Variants in KIF26B observed in about 807,000 individuals in gnomAD.
KIF26B encodes kinesin family member 26B.
KIF26B carries 63 observed loss-of-function variants against 151.2 expected under a neutral mutation model. The ratio of observed to expected loss-of-function variants is 0.42; its 90% confidence interval spans 0.34 to 0.51. The LOEUF (loss-of-function observed/expected upper bound fraction) is 0.51, where lower values mean the gene tolerates loss of function less well. KIF26B is among the 20% of genes least tolerant of loss of function. The pLI, the probability that KIF26B is intolerant of heterozygous loss-of-function variation, is 0.07. For synonymous variants in KIF26B, 1,357 were observed against 1,262.1 expected (o/e 1.08, Z -1.59); for missense variants, 2,813 against 2,913.6 (o/e 0.97, Z 0.79).
At chr1:245,663,222 C>T (rs56236459) in intron 10 of KIF26B, among the ~76,000 whole-genome samples, 102,513 of 151,118 alleles carry the variant, frequency 0.68, 34,908 homozygotes, top group East Asian at 0.82. Flanking sequence ...CTCATCTTTT[C>T]CCCTTCTCTC....
chr1:245,285,605 G>A (rs1671151476), intron 2 of KIF26B, among the ~76,000 whole-genome samples: 1 of 149,990 alleles, frequency 6.7e-6, no homozygotes, highest in Non-Finnish European at 1.5e-5. Flanking sequence ...AAGTCTCTCA[G>A]GTGGGATATT....
chr1:245,400,488 G>GT (rs11407193), intron 3 of KIF26B, among the ~76,000 whole-genome samples: 85,753 of 123,724 alleles, frequency 0.69, 29,217 homozygotes, highest in South Asian at 0.78. Flanking sequence ...TAGATAGTGA[G>GT]TTTTTTTTTT....
intron 5 of KIF26B, among the ~76,000 whole-genome samples, chr1:245,552,990 A>G (rs1478095933): frequency 6.6e-6 from 1 of 152,190 alleles, no homozygotes; most frequent in Non-Finnish European, 1.5e-5. Flanking sequence ...AGATGAGAAC[A>G]CTGAGATTCA....
chr1:245,519,263 G>A (rs1661035101), intron 4 of KIF26B, among the ~76,000 whole-genome samples: 1 of 152,068 alleles, frequency 6.6e-6, no homozygotes, highest in Non-Finnish European at 1.5e-5. Context: ...TAAAAATTAA[G>A]TACAGTGAGG....
At position 245,602,896 on chromosome 1, in the gene KIF26B, A is replaced by T; in HGVS notation, c.1557+113A>T. On this transcript the variant is annotated intron_variant, in intron 6 of 14. Transcript: ENST00000407071. The surrounding 1 kb of genome is among the most constrained non-coding windows in gnomAD (Gnocchi z 4.5). ...GTCTTCTGGAGCATTCTGATGGACC[A>T]GTTCCTTCAGGAGTCAATCTGAGCT... 1 of 919,988 alleles carries T rather than the reference A, an allele frequency of 1.1e-6. No homozygotes were observed. Among genetic ancestry groups the T allele is most frequent in the Non-Finnish European group, 1.7e-6 (1 of 571,556 alleles). The allele number at this position is 919,988 out of a possible 1,614,324, so 57.0% of individuals were successfully genotyped here.
intron 5 of KIF26B, among the ~76,000 whole-genome samples, chr1:245,565,997 TAA>T (rs2043005728): frequency 6.6e-6 from 1 of 152,174 alleles, no homozygotes; most frequent in South Asian, 2.1e-4. Flanking sequence ...CCAGACTCTT[TAA>T]AACAACCATT....
chr1:245,690,014 C>T (rs563580687), intron 12 of KIF26B, among the ~76,000 whole-genome samples: 2 of 151,952 alleles, frequency 1.3e-5, no homozygotes, highest in South Asian at 4.2e-4. Context: ...AGCTGGTGGC[C>T]CTGGAGGTCT....
At chr1:245,195,133 A>G (rs577373598) in intron 2 of KIF26B, among the ~76,000 whole-genome samples, 1 of 152,300 alleles carries the variant, frequency 6.6e-6, no homozygotes, top group East Asian at 1.9e-4. Context: ...TCAGAAAGCC[A>G]CCATTGTATT....
chr1:245,219,598 G>A (rs1465213010), intron 2 of KIF26B, among the ~76,000 whole-genome samples: 1 of 152,080 alleles, frequency 6.6e-6, no homozygotes. Flanking sequence ...GCCAGGTGTG[G>A]TGGCACATGC....
intron 2 of KIF26B, among the ~76,000 whole-genome samples, chr1:245,191,333 G>T (rs1288757239): frequency 6.6e-6 from 1 of 151,844 alleles, no homozygotes; most frequent in Non-Finnish European, 1.5e-5. Context: ...AACTTAGCTG[G>T]GCGTGATGGC....
At chr1:245,224,074 C>T (rs915311483) in intron 2 of KIF26B, among the ~76,000 whole-genome samples, 7 of 152,018 alleles carry the variant, frequency 4.6e-5, no homozygotes, top group African/African-American at 1.2e-4. Flanking sequence ...CACCTGAGGT[C>T]GGGAGTTCGA....
chr1:245,581,585 A>G (rs935135806), intron 5 of KIF26B, among the ~76,000 whole-genome samples: 1 of 152,208 alleles, frequency 6.6e-6, no homozygotes, highest in Admixed American at 6.5e-5. Context: ...TGGGTCTTAC[A>G]GGTCTTCAGT....
intron 2 of KIF26B, among the ~76,000 whole-genome samples, chr1:245,297,725 T>C (rs1671362886): frequency 6.6e-6 from 1 of 152,216 alleles, no homozygotes; most frequent in South Asian, 2.1e-4. Flanking sequence ...TGTACTGTGC[T>C]AGTTGATGGG....
At chr1:245,287,351 T>G (rs1224005235) in intron 2 of KIF26B, among the ~76,000 whole-genome samples, 3 of 152,204 alleles carry the variant, frequency 2.0e-5, no homozygotes, top group Non-Finnish European at 4.4e-5. Flanking sequence ...AGTCTTACAA[T>G]TGGACACTGT....
intron 4 of KIF26B, among the ~76,000 whole-genome samples, chr1:245,531,528 A>C (rs182531412): frequency 6.6e-6 from 1 of 152,304 alleles, no homozygotes; most frequent in African/African-American, 2.4e-5. Context: ...AGAAAAAAAA[A>C]ATCCAAGGTC....
At position 245,502,924 on chromosome 1, in the gene KIF26B, C is replaced by T. The variant is rs979357708; in HGVS notation, c.1167-37843C>T. Among the ~76,000 whole-genome samples the T allele has an allele frequency of 7.3e-5, 11 of 151,070 alleles. No individual in the cohort carries two copies. The East Asian group carries it at 7.8e-4, about 11-fold the overall frequency. ...TTGCCCAGGCTGGAGTGCAATGGCGCGATCTCAGCTCATCGCAATCTCTGC... is the reference window on the plus strand; with the variant it reads ...TTGCCCAGGCTGGAGTGCAATGGCGTGATCTCAGCTCATCGCAATCTCTGC... On this transcript the variant is annotated intron_variant, in intron 4 of 14. Transcript: ENST00000407071.
At position 245,179,494 on chromosome 1, in the gene KIF26B, C is replaced by T. The variant is rs548336994; in HGVS notation, c.465+22811C>T. The stretch of plus-strand genomic sequence containing the variant: ...CAAAAATTAGCCGGGCGTGGTGGTG[C>T]GCGCCTGTAGTCCCAGCTACTCGGG... On this transcript the variant is annotated intron_variant, in intron 2 of 14. Coordinates refer to ENST00000407071, the MANE Select transcript of KIF26B (RefSeq NM_018012.4). 1.0e-3 allele frequency among the ~76,000 whole-genome samples: 155 copies of T among 152,082 alleles called. 1 individual carries two copies. The Middle Eastern group carries it at 0.014, about 13-fold the overall frequency.
rs758548298 is a variant in KIF26B at position 245,684,239 on chromosome 1, C to A, written c.2265C>A (p.Ser755Arg). 7 of 1,612,798 alleles carry A rather than the reference C, an allele frequency of 4.3e-6. No homozygotes were observed. The highest frequency in any genetic ancestry group is 5.9e-6 in the Non-Finnish European group (7 of 1,179,030). The change falls in exon 11 of 15, where the codon AGC becomes AGA. Residue 755 changes from serine to arginine, a missense_variant. Ser to Arg is a moderately radical substitution (Grantham distance 110, BLOSUM62 -1). Around this residue, in one of 3 missense-constraint regions of KIF26B, gnomAD observed 2,060 missense variants for 2,088.6 expected, o/e 0.99. Coordinates refer to ENST00000407071, the MANE Select transcript of KIF26B (RefSeq NM_018012.4). Reference sequence around the variant, plus strand: ...AATTCACTTTGTTTGGCAGAGAGAGCAAGCTCGCCATGTTGCTGCGGGAGT... The same window carrying A: ...AATTCACTTTGTTTGGCAGAGAGAGAAAGCTCGCCATGTTGCTGCGGGAGT... ...NGSKHIPYKE[S>R]KLAMLLRESL...
intron 2 of KIF26B, among the ~76,000 whole-genome samples, chr1:245,283,574 T>C (rs901655340): frequency 6.6e-6 from 1 of 152,180 alleles, no homozygotes; most frequent in Non-Finnish European, 1.5e-5. Context: ...GCCTCTCTTT[T>C]ATTTGTTTAC....
Sources: allele counts gnomAD v4.1 joint callset (sites outside exome capture counted in the v4.1 genomes callset), GRCh38; gene constraint gnomAD v4.1.1; regional missense constraint gnomAD v4.1.1; non-coding constraint Gnocchi (gnomAD v3.1); transcripts MANE v1.5; gene names NCBI Gene and HGNC (gene_info 2026-07-23, HGNC 2026-07-21).